The following SERINC5 variants were observed in gnomAD, a reference collection of about 807,000 sequenced individuals.
SERINC5 encodes the protein serine incorporator 5.
Under a neutral mutation model 63.1 loss-of-function variants are expected in SERINC5, and 41 were observed. The observed-to-expected ratio is 0.65, with a 90% CI of 0.51 to 0.84. The LOEUF is 0.84. Among genes scored for constraint, SERINC5 ranks in the 40% least tolerant of loss-of-function variants. The pLI is 0.00. For synonymous variants in SERINC5, 222 were observed against 215.2 expected (o/e 1.03, Z -0.28); for missense variants, 523 against 573.0 (o/e 0.91, Z 0.89).
At chr5:80,202,811 C>T in intron 2 of SERINC5, 75 bp downstream of exon 2, 1 of 1,457,062 alleles carries the variant, frequency 6.9e-7, no homozygotes, top group Non-Finnish European at 9.4e-7. Context: ...TGGACCCCAT[C>T]TTCTAAATCA....
intron 8 of SERINC5, among the ~76,000 whole-genome samples, chr5:80,155,092 C>A (rs1746435210): frequency 6.6e-6 from 1 of 152,212 alleles, no homozygotes; most frequent in Non-Finnish European, 1.5e-5. Flanking sequence ...AATGAGGAGA[C>A]TGACCTGATC....
chr5:80,182,241 C>A (rs570390187), intron 2 of SERINC5, among the ~76,000 whole-genome samples: 18 of 152,274 alleles, frequency 1.2e-4, no homozygotes, highest in African/African-American at 3.4e-4. Context: ...GACCTGGTTA[C>A]CTCTGACCTT....
intron 11 of SERINC5, 33 bp downstream of exon 11, chr5:80,146,057 C>T: frequency 6.2e-7 from 1 of 1,611,746 alleles, no homozygotes; most frequent in East Asian, 2.2e-5. Context: ...TAAGGCTTTG[C>T]TTCAAAAATA....
At chr5:80,153,127 T>C (rs1197249317) in intron 8 of SERINC5, among the ~76,000 whole-genome samples, 1 of 152,182 alleles carries the variant, frequency 6.6e-6, no homozygotes, top group Non-Finnish European at 1.5e-5. Context: ...ATTAATGCCA[T>C]GTGACTTCTA....
Position 80,202,873 on chromosome 5 carries a change from C to T in SERINC5, c.195+13G>A, listed in dbSNP as rs764546638. 24 of 1,601,524 alleles carry T rather than the reference C, an allele frequency of 1.5e-5. No homozygotes were observed. The highest frequency in any genetic ancestry group is 1.7e-4 in the Middle Eastern group (1 of 5,996). Reference sequence around the variant, plus strand: ...CATCGGAAATAGGACGAGCTGAACACGGACAAACTTACGTGCTCTTTCATC... The same window carrying T: ...CATCGGAAATAGGACGAGCTGAACATGGACAAACTTACGTGCTCTTTCATC... On this transcript the variant is annotated intron_variant, in intron 2 of 11. Coordinates refer to ENST00000507668, the MANE Select transcript of SERINC5 (RefSeq NM_001174072.3).
At chr5:80,156,630 C>T (rs761997271) in intron 8 of SERINC5, among the ~76,000 whole-genome samples, 24 of 152,122 alleles carry the variant, frequency 1.6e-4, no homozygotes, top group Non-Finnish European at 3.5e-4. Flanking sequence ...TTGTGGTTTA[C>T]GAATTCAATA....
At chr5:80,144,867 G>A (rs148818639) in intron 11 of SERINC5, among the ~76,000 whole-genome samples, 107 of 152,266 alleles carry the variant, frequency 7.0e-4, no homozygotes, top group African/African-American at 2.4e-3. Flanking sequence ...GAAGCACAAT[G>A]AGCCTACATG....
At chr5:80,164,376 T>C (rs1019849380) in intron 7 of SERINC5, among the ~76,000 whole-genome samples, 52 of 151,724 alleles carry the variant, frequency 3.4e-4, no homozygotes, top group Non-Finnish European at 1.0e-4. Flanking sequence ...TAGTTCCTTA[T>C]TTTATTTTAT....
chr5:80,175,563 T>A (rs1341198795), intron 4 of SERINC5, among the ~76,000 whole-genome samples: 1 of 151,992 alleles, frequency 6.6e-6, no homozygotes, highest in African/African-American at 2.4e-5. Context: ...GGTTCCAATT[T>A]GTCTATAAAA....
At chr5:80,199,599 T>A (rs950943104) in intron 2 of SERINC5, among the ~76,000 whole-genome samples, 3 of 152,228 alleles carry the variant, frequency 2.0e-5, no homozygotes, top group Non-Finnish European at 4.4e-5. Context: ...GTTACTTGGA[T>A]GGTAATCAGG....
intron 9 of SERINC5, among the ~76,000 whole-genome samples, chr5:80,150,222 G>A (rs538070228): frequency 6.6e-6 from 1 of 152,180 alleles, no homozygotes; most frequent in Admixed American, 6.5e-5. Context: ...GAAACAGGTG[G>A]GTGGATCAGA....
intron 9 of SERINC5, among the ~76,000 whole-genome samples, chr5:80,147,525 G>A (rs538200044): frequency 2.6e-5 from 4 of 152,124 alleles, no homozygotes; most frequent in South Asian, 4.1e-4. Context: ...GCAGAGCCTC[G>A]AGACAGGAGC....
Position 80,202,848 on chromosome 5 carries a change from C to T in SERINC5, c.195+38G>A, listed in dbSNP as rs746671890. 3.2e-6 allele frequency: 5 copies of T among 1,576,892 alleles called. No individual in the cohort carries two copies. In the East Asian group the frequency reaches 1.1e-4, roughly 36 times the overall value. On this transcript the variant is annotated intron_variant, in intron 2 of 11. Coordinates refer to ENST00000507668, the MANE Select transcript of SERINC5 (RefSeq NM_001174072.3). ...GTTTTTCCCACACACCCTCATCAAA[C>T]ATCGGAAATAGGACGAGCTGAACAC...
chr5:80,202,863 G>A lies in SERINC5; in HGVS notation c.195+23C>T, dbSNP rs140131404. 9.3e-3 allele frequency: 14,822 copies of A among 1,589,940 alleles called. 67 individuals are homozygous for A. The highest frequency in any genetic ancestry group is 0.012 in the Non-Finnish European group (13,391 of 1,162,380). ...CCTCATCAAACATCGGAAATAGGAC[G>A]AGCTGAACACGGACAAACTTACGTG... On this transcript the variant is annotated intron_variant, in intron 2 of 11. Transcript: ENST00000507668.
At position 80,241,374 on chromosome 5, in the gene SERINC5, C is replaced by A. The variant is rs1010348848; in HGVS notation, c.27+14522G>T. ...ATCCCAGCTACTCGGGAGGCTGAGGCAGGAGAATTGCCTGAACCCAGGAGT... is the reference window on the plus strand; with the variant it reads ...ATCCCAGCTACTCGGGAGGCTGAGGAAGGAGAATTGCCTGAACCCAGGAGT... On this transcript the variant is annotated intron_variant, in intron 1 of 11. Transcript: ENST00000507668. Among the ~76,000 whole-genome samples, 3 of 152,112 alleles carry A rather than the reference C, an allele frequency of 2.0e-5. No homozygotes were observed. The South Asian group carries it at 6.2e-4, about 32-fold the overall frequency.
intron 1 of SERINC5, among the ~76,000 whole-genome samples, chr5:80,229,017 A>T (rs1309870135): frequency 8.7e-6 from 1 of 115,480 alleles, no homozygotes; most frequent in Admixed American, 1.0e-4. Flanking sequence ...AATGTTTTAC[A>T]TACCTTTTTT....
At chr5:80,245,609 A>AT (rs5869028) in intron 1 of SERINC5, among the ~76,000 whole-genome samples, 55,697 of 150,380 alleles carry the variant, frequency 0.37, 10,815 homozygotes, top group African/African-American at 0.49. Context: ...GTGAATATTT[A>AT]TTTTTTTTTA....
At chr5:80,218,315 CG>C (rs1750759012) in intron 1 of SERINC5, among the ~76,000 whole-genome samples, 1 of 152,026 alleles carries the variant, frequency 6.6e-6, no homozygotes. Flanking sequence ...CCAAGGTGGG[CG>C]GATCACCTGA....
chr5:80,150,399 A>G (rs1746097865), intron 9 of SERINC5, among the ~76,000 whole-genome samples: 1 of 152,230 alleles, frequency 6.6e-6, no homozygotes. Flanking sequence ...TTAATCCCAT[A>G]GCATACAAAG....
Sources: allele counts gnomAD v4.1 joint callset (sites outside exome capture counted in the v4.1 genomes callset), GRCh38; gene constraint gnomAD v4.1.1; transcripts MANE v1.5; gene names NCBI Gene and HGNC (gene_info 2026-07-23, HGNC 2026-07-21).